The following FAM151A variants were observed in gnomAD, a reference collection of about 807,000 sequenced individuals.
FAM151A encodes the protein protein FAM151A.
Under a neutral mutation model 40.4 loss-of-function variants are expected in FAM151A, and 41 were observed. That is an observed-to-expected ratio of 1.01 (90% CI 0.79 to 1.32). The LOEUF (loss-of-function observed/expected upper bound fraction) is 1.32, where lower values mean the gene tolerates loss of function less well. Ranked by LOEUF, FAM151A falls within the 40% of genes most tolerant of loss-of-function variation. The pLI, the probability that FAM151A is intolerant of heterozygous loss-of-function variation, is 0.00. For synonymous variants in FAM151A, 337 were observed against 312.5 expected, an observed-to-expected ratio of 1.08 and a Z score of -0.83; for missense variants, 740 against 740.4, an observed-to-expected ratio of 1.00 and a Z score of 0.01.
In FAM151A at chr1:54,610,488, C is replaced by T. The variant is rs755853255; in HGVS notation, c.1008G>A (p.Gly336=). 23 of 1,501,140 alleles carry T rather than the reference C, an allele frequency of 1.5e-5. 1 individual carries two copies. In the South Asian group the frequency reaches 2.6e-4, roughly 17 times the overall value. The allele number at this position is 1,501,140 out of a possible 1,614,324, so 93.0% of individuals were successfully genotyped here. Residue 336 remains glycine (G), a synonymous_variant, in exon 7 of 8, where the codon GGG becomes GGA. Coordinates refer to ENST00000302250, the MANE Select transcript of FAM151A (RefSeq NM_176782.3). ...GCCACTCCACATTCAGACCGTCATC[C>T]CCAGGCAGCTGGAGAAGAGGGATCA... ...GSLIPLLQLP[G]DDGLNVEWLV...
intron 1 of FAM151A, among the ~76,000 whole-genome samples, chr1:54,622,748 ATAGTT>A (rs1253163065): frequency 1.3e-5 from 2 of 151,278 alleles, no homozygotes; most frequent in African/African-American, 4.9e-5. Flanking sequence ...CTCAAAAAAA[ATAGTT>A]AACGGGACTT....
At chr1:54,611,947 G>A (rs1644122939) in intron 5 of FAM151A, among the ~76,000 whole-genome samples, 1 of 152,074 alleles carries the variant, frequency 6.6e-6, no homozygotes, top group African/African-American at 2.4e-5. Flanking sequence ...TGAAAGCAGA[G>A]GCCCAGGAGG....
At chr1:54,618,775 T>C (rs1644200124) in intron 2 of FAM151A, among the ~76,000 whole-genome samples, 1 of 152,164 alleles carries the variant, frequency 6.6e-6, no homozygotes, top group South Asian at 2.1e-4. Context: ...GACCGTGAAT[T>C]GACACTGCTA....
rs946785695 is a variant in FAM151A at position 54,611,672 on chromosome 1, T to A, written c.874A>T (p.Thr292Ser). Reference sequence around the variant, plus strand: ...TCATAGTAGACTTGGTGGACAGCAGTGTTATCCCGGACGTAGAGCAGATCT... The same window carrying A: ...TCATAGTAGACTTGGTGGACAGCAGAGTTATCCCGGACGTAGAGCAGATCT... ...VEDLLYVRDNTAVHQVYYDIF... is the reference protein window; with the variant it reads ...VEDLLYVRDNSAVHQVYYDIF... The change falls in exon 6 of 8, where the codon ACT becomes TCT. Residue 292 changes from threonine to serine, a missense_variant. Transcript: ENST00000302250. 2 of 1,614,002 alleles carry A rather than the reference T, an allele frequency of 1.2e-6. No individual in the cohort carries two copies.
At chr1:54,622,451 G>A (rs1007392072) in intron 1 of FAM151A, among the ~76,000 whole-genome samples, 3 of 151,952 alleles carry the variant, frequency 2.0e-5, no homozygotes, top group African/African-American at 7.2e-5. Flanking sequence ...GGTGGCGCAC[G>A]CCTGTAGTCC....
At chr1:54,615,464 G>A (rs1479918946) in intron 3 of FAM151A, among the ~76,000 whole-genome samples, 1 of 152,164 alleles carries the variant, frequency 6.6e-6, no homozygotes, top group Non-Finnish European at 1.5e-5. Flanking sequence ...GTGCGTGTGT[G>A]TGGTCATGGT....
intron 2 of FAM151A, 32 bp from the exon 3 acceptor site, chr1:54,616,204 T>C (rs747740556): frequency 6.4e-7 from 1 of 1,556,770 alleles, no homozygotes; most frequent in African/African-American, 1.4e-5. Context: ...AGTGAGTTCC[T>C]TTTTTTAAAA....
intron 3 of FAM151A, 145 bp downstream of exon 3, chr1:54,615,875 G>C (rs564029332): frequency 1.2e-6 from 1 of 804,776 alleles, no homozygotes; most frequent in South Asian, 1.6e-5. Context: ...CTGAGCCTGG[G>C]CATCTATAAC....
intron 1 of FAM151A, among the ~76,000 whole-genome samples, chr1:54,621,238 C>A (rs892614070): frequency 1.3e-5 from 2 of 151,728 alleles, no homozygotes; most frequent in Non-Finnish European, 2.9e-5. Flanking sequence ...AGGCGGATCA[C>A]CTGAGTTCAG....
intron 6 of FAM151A, chr1:54,610,759 G>T: frequency 1.0e-6 from 1 of 984,054 alleles, no homozygotes; most frequent in African/African-American, 1.7e-5. Context: ...AAGTTGCCAG[G>T]AGTGGAACCT....
intron 4 of FAM151A, among the ~76,000 whole-genome samples, chr1:54,613,426 C>T (rs979495698): frequency 1.6e-4 from 24 of 150,824 alleles, no homozygotes; most frequent in Admixed American, 1.5e-3. Flanking sequence ...CTCCCTCCTT[C>T]CCTCCCTCCC....
intron 1 of FAM151A, chr1:54,621,967 TGAA>T (rs1452451292): frequency 6.6e-6 from 1 of 152,324 alleles, no homozygotes; most frequent in Non-Finnish European, 1.5e-5. Context: ...TTCAGGCAAG[TGAA>T]GTAGTAAAAA....
At chr1:54,614,597 T>C (rs1644151610) in intron 4 of FAM151A, 103 bp downstream of exon 4, 13 of 1,198,132 alleles carry the variant, frequency 1.1e-5, no homozygotes, top group Non-Finnish European at 1.2e-5. Flanking sequence ...CTATATATAG[T>C]ATGATTGGAG....
At chr1:54,616,428 A>G (rs12134389) in intron 2 of FAM151A, among the ~76,000 whole-genome samples, 15,807 of 150,522 alleles carry the variant, frequency 0.11, 1,036 homozygotes, top group East Asian at 0.35. Flanking sequence ...CAGTGGTGTG[A>G]TCTTGGCTCA....
chr1:54,611,528 A>AGTGG, intron 6 of FAM151A, 78 bp downstream of exon 6: 1 of 1,482,188 alleles, frequency 6.7e-7, no homozygotes, highest in Admixed American at 1.7e-5. Flanking sequence ...CCTTCCACCC[A>AGTGG]GCTCTGCTCC....
In FAM151A at chr1:54,612,760, C is replaced by G. The variant is rs1183607898; in HGVS notation, c.576-50G>C. The G allele has an allele frequency of 3.5e-6, 5 of 1,426,958 alleles. No homozygotes were observed. In the Admixed American group the frequency reaches 8.5e-5, roughly 24 times the overall value. 88.4% of individuals were successfully genotyped at this position (1,426,958 alleles called of 1,614,324 possible). On this transcript the variant is annotated intron_variant, in intron 4 of 7. Transcript: ENST00000302250. ...TCTCACGGAGCTGCAGCGGCCCCTTCCTCTCCTCTGGGGTCTCATCACAGT... is the reference window on the plus strand; with the variant it reads ...TCTCACGGAGCTGCAGCGGCCCCTTGCTCTCCTCTGGGGTCTCATCACAGT...
At chr1:54,617,740 T>A (rs1354780088) in intron 2 of FAM151A, among the ~76,000 whole-genome samples, 2 of 114,652 alleles carry the variant, frequency 1.7e-5, no homozygotes, top group African/African-American at 3.2e-5. Context: ...TTTTTTTTTT[T>A]TTTTATGAAG....
At chr1:54,623,241 G>C (rs1644248368) in intron 1 of FAM151A, 37 bp downstream of exon 1, 9 of 1,422,048 alleles carry the variant, frequency 6.3e-6, no homozygotes, top group Non-Finnish European at 8.9e-6. Flanking sequence ...GAGCGATGAG[G>C]GAAGCCACTC....
In FAM151A at chr1:54,614,786, T is replaced by G; in HGVS notation, c.489A>C (p.Glu163Asp). The G allele has an allele frequency of 6.2e-7, 1 of 1,614,140 alleles. No individual in the cohort carries two copies. The highest frequency in any genetic ancestry group is 8.5e-7 in the Non-Finnish European group (1 of 1,180,018). The part of the protein sequence containing the change: ...SLDLLRQLTE[E>D]GKVRRPIWIN... ...TCCATATGGGCCGCCGGACTTTGCC[T>G]TCCTCTGTCAGCTGCCGCAGGAGGT... is the stretch of plus-strand genomic sequence containing the variant. The change falls in exon 4 of 8, where the codon GAA becomes GAC. Residue 163 changes from glutamate to aspartate, a missense_variant. By Grantham distance (45) the Glu-to-Asp change is conservative. Coordinates refer to ENST00000302250, the MANE Select transcript of FAM151A (RefSeq NM_176782.3).
Sources: allele counts gnomAD v4.1 joint callset (sites outside exome capture counted in the v4.1 genomes callset), GRCh38; gene constraint gnomAD v4.1.1; transcripts MANE v1.5; gene names NCBI Gene and HGNC (gene_info 2026-07-23, HGNC 2026-07-21).